Variants in LYPLAL1 observed in about 807,000 individuals in gnomAD.
LYPLAL1 encodes the protein lysophospholipase-like protein 1.
In LYPLAL1, 23 loss-of-function variants were observed where a neutral mutation model predicts 19.7. That is an observed-to-expected ratio of 1.17 (90% CI 0.84 to 1.65). The LOEUF is 1.65. LYPLAL1 is among the 40% of genes most tolerant of loss of function. The probability of loss-of-function intolerance (pLI) is 0.00; values close to 1 mark genes in which losing one functional copy is unlikely to be tolerated. For synonymous variants in LYPLAL1, 119 were observed against 96.3 expected, an observed-to-expected ratio of 1.24 and a Z score of -1.38; for missense variants, 355 against 279.4, an observed-to-expected ratio of 1.27 and a Z score of -1.93.
At chr1:219,174,538 C>T (rs576134112) in intron 1 of LYPLAL1, among the ~76,000 whole-genome samples, 3 of 152,252 alleles carry the variant, frequency 2.0e-5, no homozygotes, top group African/African-American at 7.2e-5. Context: ...CCTTCCTTTC[C>T]CTTTCCCGCC....
chr1:219,235,147 G>T, the LYPLAL1 span, among the ~76,000 whole-genome samples: 1 of 151,954 alleles, frequency 6.6e-6, no homozygotes, highest in Non-Finnish European at 1.5e-5. Flanking sequence ...ATATTATTGG[G>T]GCTTGACTGC....
the LYPLAL1 span, among the ~76,000 whole-genome samples, chr1:219,249,482 C>A: frequency 0.024 from 3,717 of 151,984 alleles, 168 homozygotes; most frequent in African/African-American, 0.084. Flanking sequence ...GTGTGTGTTG[C>A]TCTTATGAGC....
chr1:219,294,356 T>A, the LYPLAL1 span, among the ~76,000 whole-genome samples: 1 of 152,194 alleles, frequency 6.6e-6, no homozygotes, highest in South Asian at 2.1e-4. Context: ...TCCTCAACTT[T>A]CCATTCCATC....
the LYPLAL1 span, among the ~76,000 whole-genome samples, chr1:219,316,819 A>G: frequency 6.6e-6 from 1 of 152,176 alleles, no homozygotes; most frequent in Non-Finnish European, 1.5e-5. Flanking sequence ...TTATCATTCC[A>G]CTTATATGAG....
the LYPLAL1 span, among the ~76,000 whole-genome samples, chr1:219,383,409 A>T: frequency 6.6e-6 from 1 of 152,194 alleles, no homozygotes; most frequent in African/African-American, 2.4e-5. Context: ...ACTTTAACTA[A>T]TTGGGCTGGT....
At chr1:219,326,896 A>G in the LYPLAL1 span, among the ~76,000 whole-genome samples, 3 of 152,210 alleles carry the variant, frequency 2.0e-5, no homozygotes, top group African/African-American at 7.2e-5. Context: ...ACCAAAGCCC[A>G]AAGAGAAAAA....
At chr1:219,436,768 G>T in the LYPLAL1 span, among the ~76,000 whole-genome samples, 1 of 152,142 alleles carries the variant, frequency 6.6e-6, no homozygotes, top group Non-Finnish European at 1.5e-5. Flanking sequence ...TTCTGCATTT[G>T]TATTAGTAAA....
At chr1:219,266,431 T>C in the LYPLAL1 span, among the ~76,000 whole-genome samples, 1 of 152,192 alleles carries the variant, frequency 6.6e-6, no homozygotes, top group African/African-American at 2.4e-5. Flanking sequence ...AGCATGGAGC[T>C]GTCCTTTCCT....
At chr1:219,190,869 C>T (rs1356925776) in intron 2 of LYPLAL1, among the ~76,000 whole-genome samples, 2 of 151,448 alleles carry the variant, frequency 1.3e-5, no homozygotes, top group African/African-American at 2.4e-5. Flanking sequence ...TAGTCTCACT[C>T]AGTAGTTGCT....
chr1:219,271,606 A>G, the LYPLAL1 span: 2 of 152,224 alleles, frequency 1.3e-5, no homozygotes, highest in African/African-American at 4.8e-5. Context: ...TAAGGCTGAA[A>G]TGCTAATCTC....
the LYPLAL1 span, among the ~76,000 whole-genome samples, chr1:219,288,938 G>A: frequency 0.012 from 1,839 of 152,200 alleles, 63 homozygotes; most frequent in East Asian, 0.11. Flanking sequence ...ATGTCATTAG[G>A]CACGCTCTCA....
chr1:219,191,906 G>A (rs1471156365), intron 2 of LYPLAL1, among the ~76,000 whole-genome samples: 3 of 150,964 alleles, frequency 2.0e-5, no homozygotes, highest in Admixed American at 1.3e-4. Flanking sequence ...AAAGATCCCC[G>A]TATATGAATT....
chr1:219,262,031 T>A, the LYPLAL1 span, among the ~76,000 whole-genome samples: 2 of 152,226 alleles, frequency 1.3e-5, no homozygotes, highest in East Asian at 3.9e-4. Context: ...TCTCAGAGAC[T>A]TTGTTTATAT....
chr1:219,400,558 C>T, the LYPLAL1 span, among the ~76,000 whole-genome samples: 2 of 151,186 alleles, frequency 1.3e-5, no homozygotes, highest in African/African-American at 2.4e-5. Context: ...TGCAGTGGAA[C>T]GATCTCAGCT....
the LYPLAL1 span, among the ~76,000 whole-genome samples, chr1:219,229,538 A>C: frequency 1.3e-5 from 2 of 152,124 alleles, no homozygotes; most frequent in Non-Finnish European, 1.5e-5. Flanking sequence ...ACCAGGGCAA[A>C]ATCCCGGGAT....
the LYPLAL1 span, among the ~76,000 whole-genome samples, chr1:219,277,349 G>A: frequency 5.3e-5 from 8 of 152,262 alleles, no homozygotes; most frequent in Middle Eastern, 3.4e-3. Flanking sequence ...AGCAATTTTG[G>A]TGTTGTAAAT....
downstream of LYPLAL1, among the ~76,000 whole-genome samples, chr1:219,214,130 C>G (rs1386895746): frequency 6.6e-6 from 1 of 152,006 alleles, no homozygotes; most frequent in Non-Finnish European, 1.5e-5. Context: ...GATTTTTTTG[C>G]AACAATTAAT....
the LYPLAL1 span, among the ~76,000 whole-genome samples, chr1:219,299,210 C>T: frequency 6.2e-5 from 9 of 145,566 alleles, no homozygotes; most frequent in South Asian, 2.0e-3. Context: ...ATGCATTACT[C>T]AGTGCACTCT....
At chr1:219,282,691 G>T in the LYPLAL1 span, among the ~76,000 whole-genome samples, 1 of 152,064 alleles carries the variant, frequency 6.6e-6, no homozygotes, top group East Asian at 1.9e-4. Context: ...AAAATTCTGA[G>T]TGACAGTGAT....
Sources: allele counts gnomAD v4.1 joint callset (sites outside exome capture counted in the v4.1 genomes callset), GRCh38; gene constraint gnomAD v4.1.1; transcripts MANE v1.5; gene names NCBI Gene and HGNC (gene_info 2026-07-23, HGNC 2026-07-21).